Variants in DNHD1 observed in about 807,000 individuals in gnomAD.
DNHD1 encodes dynein heavy chain domain 1.
In DNHD1, 383 loss-of-function variants were observed where a neutral mutation model predicts 458.1. That is an observed-to-expected ratio of 0.84 (90% CI 0.77 to 0.91). The LOEUF is 0.91. Ranked by LOEUF, DNHD1 falls within the 40% of genes least tolerant of loss-of-function variation. DNHD1 has a pLI of 0.00. For missense variants in DNHD1, 5,336 were observed against 5,866.1 expected (o/e 0.91, Z 2.95); for synonymous variants, 2,203 against 2,376.9 (o/e 0.93, Z 2.13).
At chr11:6,519,920 A>G (rs369968188) in intron 8 of DNHD1, 45 bp from the exon 9 acceptor site, 1 of 1,613,420 alleles carries the variant, frequency 6.2e-7, no homozygotes, top group Non-Finnish European at 8.5e-7. Flanking sequence ...AGGAATGTAT[A>G]CTGACATCTA....
At chr11:6,556,191 G>A (rs1853458056) in intron 24 of DNHD1, among the ~76,000 whole-genome samples, 2 of 152,046 alleles carry the variant, frequency 1.3e-5, no homozygotes, top group Admixed American at 6.6e-5. Flanking sequence ...ACCCAGGCTG[G>A]TCTTGAACTC....
chr11:6,535,470 A>C (rs940634236), intron 14 of DNHD1, among the ~76,000 whole-genome samples: 1 of 152,234 alleles, frequency 6.6e-6, no homozygotes, highest in African/African-American at 2.4e-5. Flanking sequence ...GGGCTGTGGC[A>C]GGGTAGGTAC....
Position 6,533,926 on chromosome 11 carries a change from T to C in DNHD1, c.2751T>C (p.Phe917=). The change falls in exon 14 of 43, where the codon TTT becomes TTC. Residue 917 remains phenylalanine (F), a synonymous_variant. Transcript: ENST00000254579. ...TGGATATGTGGGAGGCATTTCAGTT[T>C]GAGAAAAGCCAGGCTTCAGAGTTCC... ...QLLDMWEAFQ[F]EKSQASEFLL... is the part of the protein sequence containing the mutation. 1 of 1,551,182 alleles carries C rather than the reference T, an allele frequency of 6.4e-7. No individual in the cohort carries two copies. Among genetic ancestry groups the C allele is most frequent in the Non-Finnish European group, 8.7e-7 (1 of 1,146,870 alleles).
At chr11:6,499,000 A>G (rs1852087893) in intron 3 of DNHD1, 39 bp downstream of exon 3, 5 of 1,527,976 alleles carry the variant, frequency 3.3e-6, no homozygotes, top group Non-Finnish European at 4.4e-6. Context: ...AGCAGAGGAG[A>G]AAAAGTTGCT....
intron 12 of DNHD1, 104 bp from the exon 13 acceptor site, chr11:6,532,922 TG>T: frequency 1.9e-6 from 2 of 1,045,506 alleles, no homozygotes; most frequent in Non-Finnish European, 2.8e-6. Flanking sequence ...AGATAATTCA[TG>T]GTCTGACCTG....
At position 6,505,470 on chromosome 11, in the gene DNHD1, C is replaced by A. The variant is rs553337289; in HGVS notation, c.920+2544C>A. Among the ~76,000 whole-genome samples the A allele has an allele frequency of 3.3e-5, 5 of 152,120 alleles. No individual in the cohort carries two copies. The South Asian group carries it at 1.0e-3, about 32-fold the overall frequency. On this transcript the variant is annotated intron_variant, in intron 4 of 42. Coordinates refer to ENST00000254579, the MANE Select transcript of DNHD1 (RefSeq NM_144666.3). The surrounding 1 kb of genome is among the most constrained non-coding windows in gnomAD (Gnocchi z 4.4). ...GTTTTGCCACATTGGCCAAGCTGATCTCGAACTCCTGGCTTCAAGTGATCC... is the reference window on the plus strand; with the variant it reads ...GTTTTGCCACATTGGCCAAGCTGATATCGAACTCCTGGCTTCAAGTGATCC...
Position 6,528,402 on chromosome 11 carries a change from T to TGG in DNHD1, c.1838-118_1838-117dup, listed in dbSNP as rs796435955. 1.9e-4 allele frequency: 220 copies of TGG among 1,142,582 alleles called. No individual in the cohort carries two copies. In the African/African-American group the frequency reaches 3.2e-3, roughly 17 times the overall value. 70.8% of individuals were successfully genotyped at this position (1,142,582 alleles called of 1,614,324 possible). A position where few individuals can be genotyped will look rare whatever the true frequency, so the allele number is the denominator to read the frequency against. On this transcript the variant is annotated intron_variant, in intron 10 of 42. Transcript: ENST00000254579. The stretch of plus-strand genomic sequence containing the variant: ...TGTTAACTCACTCATGAGCAGCGAA[T>TGG]GGGTGTGTGTGTGTGTGTGTGTGTG...
At chr11:6,536,134 A>G (rs995700372) in intron 14 of DNHD1, among the ~76,000 whole-genome samples, 15 of 152,238 alleles carry the variant, frequency 9.9e-5, no homozygotes, top group African/African-American at 2.4e-4. Flanking sequence ...GGAACTTTCT[A>G]TGAACAAAAA....
At chr11:6,568,609 T>C in intron 38 of DNHD1, 33 bp downstream of exon 38, 1 of 1,613,898 alleles carries the variant, frequency 6.2e-7, no homozygotes, top group African/African-American at 1.3e-5. Context: ...GGCTCTCAAA[T>C]TGGAAGTGGG....
chr11:6,520,497 G>T (rs1276699863), intron 10 of DNHD1: 2 of 1,422,214 alleles, frequency 1.4e-6, no homozygotes, highest in Non-Finnish European at 1.8e-6. Flanking sequence ...GTGGTTATGT[G>T]TATGTGCGTG....
Position 6,557,502 on chromosome 11 carries a change from T to C in DNHD1, c.8207T>C (p.Leu2736Pro). 6.4e-7 allele frequency: 1 copy of C among 1,551,658 alleles called. No homozygotes were observed. Among genetic ancestry groups the C allele is most frequent in the South Asian group, 1.2e-5 (1 of 84,060 alleles). ...GAGGAGGAAGAGGAACCTTATGGCCTTCAGGTCGCCAGAGTCTCAAACTCC... is the reference window on the plus strand; with the variant it reads ...GAGGAGGAAGAGGAACCTTATGGCCCTCAGGTCGCCAGAGTCTCAAACTCC... ...ETEEEEEPYG[L>P]QVARVSNSRD... Residue 2736 changes from leucine to proline, a missense_variant, in exon 25 of 43, where the codon CTT (leucine) becomes CCT (proline). Coordinates refer to ENST00000254579, the MANE Select transcript of DNHD1 (RefSeq NM_144666.3).
rs12418976 is a variant in DNHD1 at position 6,567,026 on chromosome 11, G to A, written c.11517G>A (p.Gln3839=). ...CTCATTGTGAAGAGTTAGAAGGGCA[G>A]AAACTACAGGAGATGGTATTGTGGG... ...LRAHCEELEG[Q]KLQEMVLWAP... The change falls in exon 36 of 43, where the codon CAG becomes CAA. Residue 3839 remains glutamine, a synonymous_variant. Coordinates refer to ENST00000254579, the MANE Select transcript of DNHD1 (RefSeq NM_144666.3). 0.024 allele frequency: 38,545 copies of A among 1,613,960 alleles called. 1,479 individuals carry two copies. Among genetic ancestry groups the A allele is most frequent in the African/African-American group, 0.17 (13,075 of 74,990 alleles).
At chr11:6,512,362 A>G (rs1411123836) in intron 7 of DNHD1, among the ~76,000 whole-genome samples, 3 of 150,358 alleles carry the variant, frequency 2.0e-5, no homozygotes, top group African/African-American at 5.0e-5. Context: ...CTGGGACTAC[A>G]GGCACCCACC....
chr11:6,553,593 G>A (rs983915610), intron 24 of DNHD1, among the ~76,000 whole-genome samples: 3 of 152,040 alleles, frequency 2.0e-5, no homozygotes, highest in Admixed American at 2.0e-4. Flanking sequence ...GACCCCAAAG[G>A]AATATTTTTT....
chr11:6,549,381 C>T (rs1027755183), intron 24 of DNHD1, among the ~76,000 whole-genome samples: 3 of 152,216 alleles, frequency 2.0e-5, no homozygotes, highest in Non-Finnish European at 4.4e-5. Flanking sequence ...AATCCTACCT[C>T]CTTCATATTT....
At chr11:6,513,129 A>G (rs1852380790) in intron 7 of DNHD1, among the ~76,000 whole-genome samples, 1 of 152,144 alleles carries the variant, frequency 6.6e-6, no homozygotes, top group Non-Finnish European at 1.5e-5. Flanking sequence ...GCTGCTCCAC[A>G]GCCTTTCTCT....
chr11:6,500,932 G>A (rs1852120198), intron 3 of DNHD1, among the ~76,000 whole-genome samples: 1 of 151,990 alleles, frequency 6.6e-6, no homozygotes, highest in Non-Finnish European at 1.5e-5. Context: ...ACTGTCTTTT[G>A]CCTGGCTGCT....
Position 6,512,261 on chromosome 11 carries a change from C to T in DNHD1, c.1392+832C>T, listed in dbSNP as rs1369925886. ...TTTGAGACGGAGTCTCGCTCTGTCA[C>T]CCAGGCTGGAGTGCAGTGGCGGGAT... is the stretch of plus-strand genomic sequence containing the variant. On this transcript the variant is annotated intron_variant, in intron 7 of 42. Transcript: ENST00000254579. 2.4e-4 allele frequency among the ~76,000 whole-genome samples: 30 copies of T among 127,218 alleles called. 1 individual carries two copies. Among genetic ancestry groups the T allele is most frequent in the Non-Finnish European group, 3.3e-4 (21 of 63,596 alleles). The allele number at this position is 127,218 out of a possible 152,430, so 83.5% of individuals were successfully genotyped here. A position where few individuals can be genotyped will look rare whatever the true frequency, so the allele number is the denominator to read the frequency against.
At chr11:6,544,438 G>A (rs1589884384) in intron 19 of DNHD1, 136 bp from the exon 20 acceptor site, 1 of 1,013,478 alleles carries the variant, frequency 9.9e-7, no homozygotes, top group East Asian at 2.6e-5. Context: ...CCTCAAGCAA[G>A]TTCCCTGAGT....
Sources: gnomAD v4.1 joint callset for allele counts (sites outside exome capture counted in the v4.1 genomes callset) on GRCh38, gnomAD v4.1.1 for gene constraint, Gnocchi (gnomAD v3.1) non-coding constraint, MANE v1.5 for transcripts, NCBI Gene and HGNC (gene_info 2026-07-23, HGNC 2026-07-21) for gene names.